Variants in AEBP2 observed in about 807,000 individuals in gnomAD.
AEBP2 encodes AE binding protein 2.
Under a neutral mutation model 50.8 loss-of-function variants are expected in AEBP2, and 10 were observed. The observed-to-expected ratio is 0.20, with a 90% confidence interval of 0.12 to 0.33. AEBP2 has a LOEUF of 0.33. AEBP2 is among the 10% of genes least tolerant of loss of function. The probability of loss-of-function intolerance (pLI) is 1.00; values close to 1 mark genes in which losing one functional copy is unlikely to be tolerated. For missense variants in AEBP2, 570 were observed against 688.0 expected (o/e 0.83, Z 1.92); for synonymous variants, 296 against 261.3 (o/e 1.13, Z -1.28).
chr12:19,450,538 T>A, intron 1 of AEBP2, among the ~76,000 whole-genome samples: 2 of 140,936 alleles, frequency 1.4e-5, no homozygotes, highest in African/African-American at 2.7e-5. Flanking sequence ...GCATACTAGA[T>A]GAAAATGTCA....
chr12:19,503,280 A>C (rs1467495800), intron 5 of AEBP2, among the ~76,000 whole-genome samples: 1 of 151,738 alleles, frequency 6.6e-6, no homozygotes, highest in Non-Finnish European at 1.5e-5. Flanking sequence ...AGCCTTTTGT[A>C]GTTCTCCTTG....
intron 4 of AEBP2, among the ~76,000 whole-genome samples, chr12:19,498,534 A>G (rs981018925): frequency 6.6e-6 from 1 of 152,146 alleles, no homozygotes; most frequent in Non-Finnish European, 1.5e-5. Context: ...AACTCTTTGA[A>G]TAGCCATAGT....
chr12:19,482,865 G>A (rs948771324), intron 3 of AEBP2, among the ~76,000 whole-genome samples: 2 of 152,146 alleles, frequency 1.3e-5, no homozygotes, highest in Non-Finnish European at 2.9e-5. Context: ...CCAGGGAAGT[G>A]GGGGGTTGTG....
chr12:19,446,462 G>C (rs1948068829), intron 1 of AEBP2, among the ~76,000 whole-genome samples: 2 of 152,128 alleles, frequency 1.3e-5, no homozygotes, highest in African/African-American at 4.8e-5. Flanking sequence ...GGACACGGTA[G>C]CTCACGCCTG....
intron 4 of AEBP2, among the ~76,000 whole-genome samples, chr12:19,498,242 G>C (rs908237905): frequency 6.6e-6 from 1 of 151,868 alleles, no homozygotes; most frequent in East Asian, 1.9e-4. Flanking sequence ...ATTTTTTTTC[G>C]AGTAGCCACT....
chr12:19,423,653 AG>A (rs2095747009), intron 1 of AEBP2, among the ~76,000 whole-genome samples: 1 of 152,194 alleles, frequency 6.6e-6, no homozygotes, highest in Non-Finnish European at 1.5e-5. Flanking sequence ...CAGCTGCTGA[AG>A]GGCCACATAG....
At chr12:19,487,687 G>A (rs1019312979) in intron 3 of AEBP2, among the ~76,000 whole-genome samples, 4 of 151,796 alleles carry the variant, frequency 2.6e-5, no homozygotes, top group African/African-American at 7.3e-5. Flanking sequence ...CACTGCACTC[G>A]TCTGGGTGAG....
intron 2 of AEBP2, among the ~76,000 whole-genome samples, chr12:19,466,415 C>T (rs899003045): frequency 3.3e-5 from 5 of 152,094 alleles, no homozygotes; most frequent in Admixed American, 6.6e-5. Flanking sequence ...CGTGCCACCG[C>T]ACTCCAGCCT....
Position 19,515,234 on chromosome 12 carries a change from G to C in AEBP2, c.1481+450G>C, listed in dbSNP as rs1399131124. ...TGTTTTTTAAGACATAGCTTAGAGTGTTCACATTTCTAGTAATTTTATGTT... is the reference window on the plus strand; with the variant it reads ...TGTTTTTTAAGACATAGCTTAGAGTCTTCACATTTCTAGTAATTTTATGTT... On this transcript the variant is annotated intron_variant, in intron 7 of 7. Coordinates refer to ENST00000266508, the MANE Select transcript of AEBP2 (RefSeq NM_153207.5). Among the ~76,000 whole-genome samples the C allele has an allele frequency of 3.3e-5, 5 of 152,246 alleles. No individual in the cohort carries two copies. The East Asian group carries it at 9.7e-4, about 29-fold the overall frequency.
chr12:19,454,316 C>T (rs1438391507), intron 1 of AEBP2, among the ~76,000 whole-genome samples: 3 of 152,178 alleles, frequency 2.0e-5, no homozygotes, highest in Admixed American at 6.6e-5. Flanking sequence ...CAGAACCTCA[C>T]ACTGAACTCT....
intron 1 of AEBP2, chr12:19,456,734 A>G: frequency 6.3e-7 from 1 of 1,590,478 alleles, no homozygotes; most frequent in Non-Finnish European, 8.6e-7. Flanking sequence ...AAAGAGTTTC[A>G]CTCAAAGCTT....
At chr12:19,425,476 G>C (rs550078744) in intron 1 of AEBP2, among the ~76,000 whole-genome samples, 1 of 152,018 alleles carries the variant, frequency 6.6e-6, no homozygotes, top group Non-Finnish European at 1.5e-5. Context: ...GGATCAAATA[G>C]ATGAATTAGG....
At chr12:19,447,580 G>A (rs796560598) in intron 1 of AEBP2, among the ~76,000 whole-genome samples, 1 of 152,228 alleles carries the variant, frequency 6.6e-6, no homozygotes, top group Non-Finnish European at 1.5e-5. Flanking sequence ...GAGCATGGAC[G>A]TAATCTAACT....
chr12:19,449,958 T>G (rs1295292826), intron 1 of AEBP2, among the ~76,000 whole-genome samples: 8 of 152,210 alleles, frequency 5.3e-5, no homozygotes, highest in Non-Finnish European at 1.0e-4. Flanking sequence ...GCAGAATTCC[T>G]TCCACCTTAG....
At chr12:19,480,314 A>C (rs1234317949) in intron 3 of AEBP2, among the ~76,000 whole-genome samples, 1 of 152,194 alleles carries the variant, frequency 6.6e-6, no homozygotes, top group Non-Finnish European at 1.5e-5. Context: ...CATGTTGGCC[A>C]GGCTGGTCTT....
chr12:19,416,805 G>C (rs948375505), intron 1 of AEBP2, among the ~76,000 whole-genome samples: 2 of 151,438 alleles, frequency 1.3e-5, no homozygotes, highest in African/African-American at 4.8e-5. Context: ...GCCCACCTCA[G>C]CCTCCCAAAG....
intron 2 of AEBP2, chr12:19,466,776 A>ATGTTT (rs1948484409): frequency 6.1e-6 from 6 of 984,238 alleles, no homozygotes; most frequent in Non-Finnish European, 7.2e-6. Context: ...GAACAGAAAC[A>ATGTTT]GATGAGGAAA....
chr12:19,447,985 G>C (rs73337334), intron 1 of AEBP2, among the ~76,000 whole-genome samples: 1 of 152,184 alleles, frequency 6.6e-6, no homozygotes, highest in Non-Finnish European at 1.5e-5. Flanking sequence ...ATATTGCCGT[G>C]TGTGGCTTTG....
intron 3 of AEBP2, among the ~76,000 whole-genome samples, chr12:19,479,322 A>G (rs1948693170): frequency 1.3e-5 from 2 of 152,180 alleles, no homozygotes; most frequent in Admixed American, 6.5e-5. Context: ...TGACCTGTCT[A>G]ATGCTGTCAG....
Sources: allele counts gnomAD v4.1 joint callset (sites outside exome capture counted in the v4.1 genomes callset), GRCh38; gene constraint gnomAD v4.1.1; transcripts MANE v1.5; gene names NCBI Gene and HGNC (gene_info 2026-07-23, HGNC 2026-07-21).